DLGAP2: variants seen among roughly 807,000 people sequenced by gnomAD.
DLGAP2 encodes DLG associated protein 2.
In DLGAP2, 26 loss-of-function variants were observed where a neutral mutation model predicts 100.3. That is an observed-to-expected ratio of 0.26 (90% confidence interval 0.19 to 0.36). The LOEUF (loss-of-function observed/expected upper bound fraction) is 0.36, where lower values mean the gene tolerates loss of function less well. DLGAP2 is among the 10% of genes least tolerant of loss of function. The probability of loss-of-function intolerance (pLI) is 1.00; values close to 1 mark genes in which losing one functional copy is unlikely to be tolerated. For missense variants in DLGAP2, 1,858 were observed against 1,453.2 expected, an observed-to-expected ratio of 1.28 and a Z score of -4.53; for synonymous variants, 886 against 630.1, an observed-to-expected ratio of 1.41 and a Z score of -6.08.
At chr8:861,680 A>G (rs1797394440) in intron 1 of DLGAP2, among the ~76,000 whole-genome samples, 2 of 152,236 alleles carry the variant, frequency 1.3e-5, no homozygotes, top group African/African-American at 2.4e-5. Context: ...GACGAGAAAC[A>G]TATTTCACAG....
Position 1,668,384 on chromosome 8 carries a change from C to G in DLGAP2, c.1866C>G (p.Thr622=), listed in dbSNP as rs1195181112. 5.0e-6 allele frequency: 8 copies of G among 1,599,632 alleles called. No individual in the cohort carries two copies. Among genetic ancestry groups the G allele is most frequent in the African/African-American group, 1.3e-5 (1 of 74,470 alleles). ...KTPPPVPPRT[T]SKPLISVTAQ... is the part of the protein sequence containing the mutation. ...CCCCACCGGTGCCCCCTCGGACCAC[C>G]TCCAAGCCTCTGATCTCGGTGACGG... is the stretch of plus-strand genomic sequence containing the variant. Residue 622 remains threonine, a synonymous_variant, in exon 9 of 15, where the codon ACC becomes ACG. Coordinates refer to ENST00000637795, the MANE Select transcript of DLGAP2 (RefSeq NM_001346810.2).
In DLGAP2 at chr8:813,201, A is replaced by G. The variant is rs149864488; in HGVS notation, c.18+75376A>G. On this transcript the variant is annotated intron_variant, in intron 1 of 14. Coordinates refer to ENST00000637795, the MANE Select transcript of DLGAP2 (RefSeq NM_001346810.2). ...ATTATATGGTCAAGACAAAAAACCT[A>G]TTGTGATCTACAGTTTCTGTTATCT... Among the ~76,000 whole-genome samples, 870 of 152,064 alleles carry G rather than the reference A, an allele frequency of 5.7e-3. 8 individuals are homozygous for G. Among genetic ancestry groups the G allele is most frequent in the African/African-American group, 0.02 (810 of 41,498 alleles).
intron 2 of DLGAP2, among the ~76,000 whole-genome samples, chr8:1,143,710 A>C (rs1563214246): frequency 6.6e-6 from 1 of 152,018 alleles, no homozygotes; most frequent in South Asian, 2.1e-4. Context: ...TGGCCACCCT[A>C]AGTCACTGGG....
intron 4 of DLGAP2, among the ~76,000 whole-genome samples, chr8:1,508,022 A>C (rs1799994545): frequency 6.6e-6 from 1 of 151,880 alleles, no homozygotes; most frequent in Non-Finnish European, 1.5e-5. Flanking sequence ...GGTGCAGGGG[A>C]GGGTCATTGT....
chr8:1,619,693 T>C (rs1797266028), intron 6 of DLGAP2: 1 of 152,222 alleles, frequency 6.6e-6, no homozygotes, highest in Non-Finnish European at 1.5e-5. Flanking sequence ...CATGTAACAT[T>C]CTTACCTTAT....
intron 2 of DLGAP2, among the ~76,000 whole-genome samples, chr8:949,900 G>A (rs549314074): frequency 6.6e-6 from 1 of 152,318 alleles, no homozygotes; most frequent in South Asian, 2.1e-4. Context: ...TAAAAATAGC[G>A]TTGATTTTCT....
At chr8:1,522,240 C>G (rs923181400) in intron 4 of DLGAP2, among the ~76,000 whole-genome samples, 2 of 152,210 alleles carry the variant, frequency 1.3e-5, no homozygotes, top group African/African-American at 4.8e-5. Context: ...GTTTGATGCA[C>G]CAGCATCCTG....
chr8:910,396 G>A (rs1798461275), intron 2 of DLGAP2: 1 of 152,212 alleles, frequency 6.6e-6, no homozygotes, highest in Non-Finnish European at 1.5e-5. Context: ...GCAATGCTGT[G>A]AAGCGTCAGA....
chr8:1,407,955 T>C (rs1292351513), intron 3 of DLGAP2, among the ~76,000 whole-genome samples: 1 of 152,220 alleles, frequency 6.6e-6, no homozygotes, highest in Non-Finnish European at 1.5e-5. Flanking sequence ...CATTTCCTTG[T>C]TGGGGGTTGG....
chr8:965,306 T>C (rs1214214933), intron 2 of DLGAP2, among the ~76,000 whole-genome samples: 2 of 125,054 alleles, frequency 1.6e-5, no homozygotes, highest in Admixed American at 1.6e-4. Flanking sequence ...ACAGGGCTCC[T>C]GAGTCTGACC....
In DLGAP2 at chr8:1,589,471, G is replaced by A. The variant is rs189995990; in HGVS notation, c.1442+23577G>A. On this transcript the variant is annotated intron_variant, in intron 6 of 14. Transcript: ENST00000637795. ...ATTTTTTTTGAGGTAGGGTCTTGCT[G>A]TGTTGCCCAGGCTGGAGTGCAGTGG... 1.9e-3 allele frequency among the ~76,000 whole-genome samples: 283 copies of A among 152,226 alleles called. 3 individuals are homozygous for A. Among genetic ancestry groups the A allele is most frequent in the Non-Finnish European group, 2.7e-3 (183 of 68,018 alleles).
At chr8:1,353,903 G>A (rs547555332) in intron 3 of DLGAP2, among the ~76,000 whole-genome samples, 9 of 152,108 alleles carry the variant, frequency 5.9e-5, no homozygotes, top group Non-Finnish European at 1.0e-4. Context: ...AAAAATCAGC[G>A]AAGGGGAAAA....
chr8:1,149,929 A>T, intron 2 of DLGAP2, among the ~76,000 whole-genome samples: 1 of 152,168 alleles, frequency 6.6e-6, no homozygotes, highest in East Asian at 1.9e-4. Flanking sequence ...GGAACCTTTT[A>T]ACTCCTCTGA....
intron 2 of DLGAP2, among the ~76,000 whole-genome samples, chr8:1,086,834 C>G (rs1803988394): frequency 1.3e-5 from 2 of 152,096 alleles, no homozygotes; most frequent in Non-Finnish European, 2.9e-5. Context: ...ATACCACTTT[C>G]AATAATGGAA....
chr8:1,383,205 AAGGG>A lies in DLGAP2; in HGVS notation c.107-118159_107-118156del, dbSNP rs1796136493. The stretch of plus-strand genomic sequence containing the variant: ...TCATTAATTTTGTAACGAGAAAAAT[AAGGG>A]ATTTTTATTTTGAAAAAAATAATTA... On this transcript the variant is annotated intron_variant, in intron 3 of 14. Coordinates refer to ENST00000637795, the MANE Select transcript of DLGAP2 (RefSeq NM_001346810.2). Among the ~76,000 whole-genome samples the A allele has an allele frequency of 2.6e-5, 4 of 152,362 alleles. No homozygotes were observed. In the South Asian group the frequency reaches 8.3e-4, roughly 32 times the overall value.
chr8:1,025,036 C>G (rs190789787), intron 2 of DLGAP2, among the ~76,000 whole-genome samples: 1,664 of 152,106 alleles, frequency 0.011, 29 homozygotes, highest in African/African-American at 0.038. Flanking sequence ...CCCCCCTCTC[C>G]TGTGTGTGTG....
chr8:759,345 G>A (rs1585832718), intron 1 of DLGAP2, among the ~76,000 whole-genome samples: 2 of 150,892 alleles, frequency 1.3e-5, no homozygotes, highest in East Asian at 3.9e-4. Flanking sequence ...CTGCCACAGT[G>A]GATGGACCCA....
chr8:749,716 G>T (rs1032842224), intron 1 of DLGAP2, among the ~76,000 whole-genome samples: 6 of 152,098 alleles, frequency 3.9e-5, no homozygotes, highest in Non-Finnish European at 5.9e-5. Context: ...TTGATTAATG[G>T]GTGTGTTTAG....
intron 1 of DLGAP2, among the ~76,000 whole-genome samples, chr8:774,801 C>T (rs1821467216): frequency 6.8e-6 from 1 of 146,920 alleles, no homozygotes; most frequent in Non-Finnish European, 1.5e-5. Context: ...CAGCTTTGTT[C>T]TTTTGGCTTA....
Sources: allele counts gnomAD v4.1 joint callset (sites outside exome capture counted in the v4.1 genomes callset), GRCh38; gene constraint gnomAD v4.1.1; transcripts MANE v1.5; gene names NCBI Gene and HGNC (gene_info 2026-07-23, HGNC 2026-07-21).